The following ANKRD50 variants were observed in gnomAD, a reference collection of about 807,000 sequenced individuals.
The protein encoded by ANKRD50 is ankyrin repeat domain-containing protein 50.
In ANKRD50, 40 loss-of-function variants were observed where a neutral mutation model predicts 112.0. The observed-to-expected ratio is 0.36, with a 90% CI of 0.28 to 0.46. The LOEUF (loss-of-function observed/expected upper bound fraction) is 0.46. Among genes scored for constraint, ANKRD50 ranks in the 20% least tolerant of loss-of-function variants. The probability of loss-of-function intolerance (pLI) is 1.00; values close to 1 mark genes in which losing one functional copy is unlikely to be tolerated. For synonymous variants in ANKRD50, 613 were observed against 619.1 expected (o/e 0.99, Z 0.15); for missense variants, 1,487 against 1,701.7 (o/e 0.87, Z 2.22).
At chr4:124,704,110 T>G (rs1023747523) in intron 2 of ANKRD50, among the ~76,000 whole-genome samples, 1 of 144,970 alleles carries the variant, frequency 6.9e-6, no homozygotes, top group Non-Finnish European at 1.6e-5. Flanking sequence ...AATAGACCAT[T>G]CAGTGAAAGG....
At position 124,670,397 on chromosome 4, in the gene ANKRD50, T is replaced by C. The variant is rs200122774; in HGVS notation, c.2880A>G (p.Thr960=). 325 of 1,613,768 alleles carry C rather than the reference T, an allele frequency of 2.0e-4. 1 individual carries two copies. Among genetic ancestry groups the C allele is most frequent in the Non-Finnish European group, 1.7e-4 (198 of 1,179,906 alleles). ...LYILALENQL[T]MAEYFLENGA... ...CATTTTCTAAAAAATATTCGGCCAT[T>C]GTAAGCTGATTTTCTAAGGCCAAGA... Residue 960 remains threonine (T), a synonymous_variant, in exon 4 of 5, where the codon ACA becomes ACG. Transcript: ENST00000504087.
In ANKRD50 at chr4:124,671,972, C is replaced by T. The variant is rs767694001; in HGVS notation, c.1305G>A (p.Met435Ile). Residue 435 changes from methionine to isoleucine, a missense_variant, in exon 4 of 5, where the codon ATG becomes ATA. Physicochemically the swap from Met to Ile is conservative, Grantham distance 10 (BLOSUM62 1). Around this residue, in one of 2 missense-constraint regions of ANKRD50, gnomAD observed 1,046 missense variants for 1,269.5 expected, o/e 0.82. Transcript: ENST00000504087. ...CTTGACAGGTATAACTCATAGCCAA[C>T]ATTCTGTGTCCTTCTGCTGCATTAC... ...YLCNAAEGHRMLAMSYTCQAK... is the reference protein window; with the variant it reads ...YLCNAAEGHRILAMSYTCQAK... The T allele has an allele frequency of 1.9e-6, 3 of 1,613,832 alleles. No individual in the cohort carries two copies. Among genetic ancestry groups the T allele is most frequent in the Non-Finnish European group, 1.7e-6 (2 of 1,179,904 alleles).
intron 2 of ANKRD50, among the ~76,000 whole-genome samples, chr4:124,700,087 A>G (rs927158371): frequency 6.6e-6 from 1 of 152,194 alleles, no homozygotes; most frequent in African/African-American, 2.4e-5. Context: ...TAAGACAATG[A>G]CTGGCTAGGG....
chr4:124,669,142 C>A lies in ANKRD50; in HGVS notation c.4135G>T (p.Val1379Phe), dbSNP rs768974044. The A allele has an allele frequency of 1.2e-5, 19 of 1,613,672 alleles. No individual in the cohort carries two copies. In the South Asian group the frequency reaches 2.1e-4, roughly 18 times the overall value. ...LQSNQVFLGR[V>F]SVPRTMQDRG... is the part of the protein sequence containing the mutation. ...TCTTGCATTGTTCGTGGGACTGAAA[C>A]CCTACCAAGAAAAACCTGGTTGCTC... is the stretch of plus-strand genomic sequence containing the variant. The change falls in exon 4 of 5, where the codon GTT (valine) becomes TTT (phenylalanine). Residue 1379 changes from valine to phenylalanine, a missense_variant. Physicochemically the swap from Val to Phe is conservative, Grantham distance 50. Transcript: ENST00000504087.
Position 124,671,579 on chromosome 4 carries a change from A to G in ANKRD50, c.1698T>C (p.Ser566=). 6.2e-7 allele frequency: 1 copy of G among 1,613,832 alleles called. No individual in the cohort carries two copies. Among genetic ancestry groups the G allele is most frequent in the Non-Finnish European group, 8.5e-7 (1 of 1,179,844 alleles). ...GSLDVVNLLV[S]RGADLEIEDA... is the part of the protein sequence containing the mutation. ...CTTCTATCTCTAAATCTGCTCCCCT[A>G]GAGACAAGTAAATTGACTACATCAA... Residue 566 remains serine (S), a synonymous_variant, in exon 4 of 5, where the codon TCT becomes TCC. Coordinates refer to ENST00000504087, the MANE Select transcript of ANKRD50 (RefSeq NM_020337.3).
At chr4:124,667,743 C>T (rs1730530825) in intron 4 of ANKRD50, among the ~76,000 whole-genome samples, 1 of 151,760 alleles carries the variant, frequency 6.6e-6, no homozygotes, top group Non-Finnish European at 1.5e-5. Context: ...TTATATTTTG[C>T]CTTTAAAACA....
rs1324460348 is a variant in ANKRD50, at chr4:124,667,262, C to T, written c.*256G>A. ...TTTATCAGGGAACTGCAGTATGTAT[C>T]TGCATTTTTAAAAAGTGCTTATTCC... On this transcript the variant is annotated 3_prime_UTR_variant, in exon 5 of 5. Transcript: ENST00000504087. 6.6e-6 allele frequency: 1 copy of T among 151,984 alleles called. No individual in the cohort carries two copies. The highest frequency in any genetic ancestry group is 6.6e-5 in the Admixed American group (1 of 15,234). 9.4% of individuals were successfully genotyped at this position (151,984 alleles called of 1,614,324 possible). A position where few individuals can be genotyped will look rare whatever the true frequency, so the allele number is the denominator to read the frequency against.
intron 2 of ANKRD50, among the ~76,000 whole-genome samples, chr4:124,698,254 A>C (rs1187412624): frequency 6.6e-6 from 1 of 152,174 alleles, no homozygotes; most frequent in Non-Finnish European, 1.5e-5. Flanking sequence ...TCCATACTCT[A>C]CATCCATAGT....
chr4:124,684,817 G>A (rs1724971465), intron 2 of ANKRD50, among the ~76,000 whole-genome samples: 1 of 152,072 alleles, frequency 6.6e-6, no homozygotes, highest in Non-Finnish European at 1.5e-5. Flanking sequence ...AAGTAGATAG[G>A]ATTCATTCCT....
intron 3 of ANKRD50, among the ~76,000 whole-genome samples, chr4:124,674,169 TAAG>T (rs1471094194): frequency 2.0e-5 from 3 of 151,954 alleles, no homozygotes; most frequent in African/African-American, 7.2e-5. Flanking sequence ...ATAAGTTACT[TAAG>T]AAATAATATT....
At chr4:124,682,144 G>A (rs973618771) in intron 2 of ANKRD50, among the ~76,000 whole-genome samples, 4 of 151,770 alleles carry the variant, frequency 2.6e-5, no homozygotes, top group East Asian at 1.9e-4. Context: ...GTGAAACCCC[G>A]TCTCTACTAA....
chr4:124,669,755 C>T lies in ANKRD50; in HGVS notation c.3522G>A (p.Arg1174=). 6.2e-7 allele frequency: 1 copy of T among 1,613,316 alleles called. No homozygotes were observed. The change falls in exon 4 of 5, where the codon CGG becomes CGA. Residue 1174 remains arginine, a synonymous_variant. Coordinates refer to ENST00000504087, the MANE Select transcript of ANKRD50 (RefSeq NM_020337.3). ...PSESPDSTVD[R]QKSSLSNNSL... ...AATTATTTGACAGTGATGACTTCTGCCGGTCAACTGTAGAATCTGGAGATT... is the reference window on the plus strand; with the variant it reads ...AATTATTTGACAGTGATGACTTCTGTCGGTCAACTGTAGAATCTGGAGATT...
chr4:124,687,330 A>G (rs1441747465), intron 2 of ANKRD50, among the ~76,000 whole-genome samples: 2 of 152,136 alleles, frequency 1.3e-5, no homozygotes, highest in Admixed American at 6.5e-5. Context: ...TGGATGCCCA[A>G]ATGCAAAAAA....
In ANKRD50 at chr4:124,671,553, T is replaced by A; in HGVS notation, c.1724A>T (p.Asp575Val). ...VSRGADLEIE[D>V]AHGHTPLTLA... is the part of the protein sequence containing the mutation. Reference sequence around the variant, plus strand: ...AGTGAGTGGTGTATGTCCATGAGCATCTTCTATCTCTAAATCTGCTCCCCT... The same window carrying A: ...AGTGAGTGGTGTATGTCCATGAGCAACTTCTATCTCTAAATCTGCTCCCCT... Residue 575 changes from aspartate (D) to valine (V), a missense_variant, in exon 4 of 5, where the codon GAT becomes GTT. By Grantham distance (152) the Asp-to-Val change is radical. Around this residue, in one of 2 missense-constraint regions of ANKRD50, gnomAD observed 1,046 missense variants for 1,269.5 expected, o/e 0.82. Transcript: ENST00000504087. 1.9e-6 allele frequency: 3 copies of A among 1,613,830 alleles called. No homozygotes were observed. Among genetic ancestry groups the A allele is most frequent in the Non-Finnish European group, 2.5e-6 (3 of 1,179,842 alleles).
At chr4:124,681,156 A>G (rs1578578730) in intron 2 of ANKRD50, among the ~76,000 whole-genome samples, 1 of 152,254 alleles carries the variant, frequency 6.6e-6, no homozygotes, top group East Asian at 1.9e-4. Context: ...TAGAAAAAAA[A>G]ATCTCCATCC....
At chr4:124,704,698 T>C (rs1478495764) in intron 2 of ANKRD50, among the ~76,000 whole-genome samples, 3 of 152,214 alleles carry the variant, frequency 2.0e-5, no homozygotes, top group Admixed American at 1.3e-4. Context: ...CAAAGTGCTA[T>C]ATACAAAGCA....
intron 2 of ANKRD50, among the ~76,000 whole-genome samples, chr4:124,683,888 T>C (rs1046567281): frequency 1.4e-5 from 2 of 146,490 alleles, no homozygotes; most frequent in African/African-American, 5.0e-5. Context: ...TACTTTTATA[T>C]AGATAATACA....
intron 2 of ANKRD50, among the ~76,000 whole-genome samples, chr4:124,708,368 T>C (rs1342281905): frequency 6.6e-6 from 1 of 152,182 alleles, no homozygotes; most frequent in Non-Finnish European, 1.5e-5. Flanking sequence ...CTGACTTTGA[T>C]GGCTAACAAC....
chr4:124,686,965 G>A (rs1303218698), intron 2 of ANKRD50, among the ~76,000 whole-genome samples: 1 of 152,130 alleles, frequency 6.6e-6, no homozygotes, highest in Non-Finnish European at 1.5e-5. Flanking sequence ...CCATTTCCAG[G>A]TAAAGACCAT....
Sources: gnomAD v4.1 joint callset for allele counts (sites outside exome capture counted in the v4.1 genomes callset) on GRCh38, gnomAD v4.1.1 for gene constraint, gnomAD v4.1.1 regional missense constraint, MANE v1.5 for transcripts, NCBI Gene and HGNC (gene_info 2026-07-23, HGNC 2026-07-21) for gene names.